The following LANCL2 variants were observed in gnomAD, a reference collection of about 807,000 sequenced individuals.
LANCL2 encodes the protein lanC-like protein 2.
Under a neutral mutation model 56.9 loss-of-function variants are expected in LANCL2, and 33 were observed. The observed-to-expected ratio is 0.58, with a 90% confidence interval of 0.44 to 0.78. LANCL2 has a LOEUF of 0.78. LANCL2 is among the 30% of genes least tolerant of loss of function. The pLI, the probability that LANCL2 is intolerant of heterozygous loss-of-function variation, is 0.00. For missense variants in LANCL2, 562 were observed against 580.2 expected, an observed-to-expected ratio of 0.97 and a Z score of 0.32; for synonymous variants, 233 against 228.2, an observed-to-expected ratio of 1.02 and a Z score of -0.19.
At position 55,365,359 on chromosome 7, in the gene LANCL2, A is replaced by C. The variant is rs1287157736; in HGVS notation, c.-667A>C. ...CCCATCCCTCGGAGACTAGCCTTGC[A>C]GTGTTTTAGACTGTTTTGAAATTCT... On this transcript the variant is annotated 5_prime_UTR_variant, in exon 1 of 9. Transcript: ENST00000254770. The C allele has an allele frequency of 2.0e-5, 3 of 152,084 alleles. No individual in the cohort carries two copies. The highest frequency in any genetic ancestry group is 2.4e-5 in the African/African-American group (1 of 41,430). 9.4% of individuals were successfully genotyped at this position (152,084 alleles called of 1,614,324 possible). A position where few individuals can be genotyped will look rare whatever the true frequency, so the allele number is the denominator to read the frequency against.
intron 1 of LANCL2, among the ~76,000 whole-genome samples, chr7:55,380,417 T>G (rs62457861): frequency 3.7e-5 from 1 of 26,684 alleles, no homozygotes; most frequent in Non-Finnish European, 7.6e-5. Flanking sequence ...ACTGCATTGT[T>G]TTTTTTTTTT....
intron 6 of LANCL2, among the ~76,000 whole-genome samples, 172 bp from the exon 7 acceptor site, chr7:55,425,082 A>G (rs1790649830): frequency 6.6e-6 from 1 of 152,094 alleles, no homozygotes; most frequent in South Asian, 2.1e-4. Flanking sequence ...AGATTGCGAG[A>G]TTCTATGTAC....
chr7:55,420,488 C>T (rs147235836), intron 6 of LANCL2, among the ~76,000 whole-genome samples: 1 of 152,294 alleles, frequency 6.6e-6, no homozygotes, highest in African/African-American at 2.4e-5. Context: ...TCTGTCTTGA[C>T]GAATGTCCCA....
chr7:55,402,293 G>A (rs1297170673), intron 5 of LANCL2, among the ~76,000 whole-genome samples: 1 of 44,964 alleles, frequency 2.2e-5, no homozygotes, highest in Admixed American at 2.1e-4. Flanking sequence ...TGGCCGGGCG[G>A]GGGGCTGACC....
chr7:55,414,983 C>CAAAAAAA (rs372708498), intron 6 of LANCL2, among the ~76,000 whole-genome samples: 8 of 61,950 alleles, frequency 1.3e-4, no homozygotes, highest in East Asian at 4.8e-4. Context: ...GACCCTACCT[C>CAAAAAAA]AAAAAAAAAA....
intron 2 of LANCL2, among the ~76,000 whole-genome samples, chr7:55,397,916 G>A (rs973464456): frequency 6.6e-6 from 1 of 151,818 alleles, no homozygotes; most frequent in African/African-American, 2.4e-5. Flanking sequence ...TTGGTCAGTT[G>A]TAGGGTTGTT....
intron 1 of LANCL2, among the ~76,000 whole-genome samples, chr7:55,381,358 T>A (rs1307706093): frequency 6.6e-6 from 1 of 152,116 alleles, no homozygotes; most frequent in African/African-American, 2.4e-5. Flanking sequence ...GCTGATGAGA[T>A]AATGAGGAAA....
intron 6 of LANCL2, among the ~76,000 whole-genome samples, chr7:55,413,016 C>G (rs1378111616): frequency 6.6e-6 from 1 of 152,192 alleles, no homozygotes; most frequent in Non-Finnish European, 1.5e-5. Flanking sequence ...GCTAATTTCT[C>G]AGAAATTTTT....
chr7:55,372,116 T>C (rs894643297), intron 1 of LANCL2, among the ~76,000 whole-genome samples: 3 of 152,236 alleles, frequency 2.0e-5, no homozygotes, highest in Admixed American at 6.5e-5. Flanking sequence ...TGAGGAAAAC[T>C]GTTCTACATG....
At chr7:55,401,545 ATTTTCTTTTTTTTTTTTTT>A (rs1938577849) in intron 5 of LANCL2, among the ~76,000 whole-genome samples, 8 of 31,888 alleles carry the variant, frequency 2.5e-4, no homozygotes, top group Non-Finnish European at 4.1e-4. Context: ...TTTTTTTCCA[ATTTTCTTTTTTTTTTTTTT>A]TTGATCATTC....
intron 7 of LANCL2, among the ~76,000 whole-genome samples, chr7:55,427,849 A>G (rs1790682032): frequency 1.3e-5 from 2 of 152,216 alleles, no homozygotes; most frequent in Admixed American, 6.5e-5. Flanking sequence ...AGCTCAGAGG[A>G]GAGCACAGGG....
intron 5 of LANCL2, among the ~76,000 whole-genome samples, chr7:55,403,859 C>T (rs1189295564): frequency 6.6e-6 from 1 of 152,044 alleles, no homozygotes. Flanking sequence ...CATGAGCCAC[C>T]GTGCCTGGCT....
At chr7:55,378,650 A>C (rs1790030548) in intron 1 of LANCL2, among the ~76,000 whole-genome samples, 1 of 152,182 alleles carries the variant, frequency 6.6e-6, no homozygotes, top group Non-Finnish European at 1.5e-5. Flanking sequence ...TTACAGCATA[A>C]TAAATTTTCT....
In LANCL2 at chr7:55,401,275, T is replaced by TG. The variant is rs1790321792; in HGVS notation, c.782dup (p.Ala262SerfsTer33). 1 of 1,614,012 alleles carries TG rather than the reference T, an allele frequency of 6.2e-7. No homozygotes were observed. The highest frequency in any genetic ancestry group is 1.1e-5 in the South Asian group (1 of 91,090). On this transcript the variant is annotated frameshift_variant, in exon 5 of 9. Transcript: ENST00000254770. LOFTEE classifies it high-confidence loss of function. ...ACCAGTGGCACCGGAAGCAGTACGT[T>TG]GGAGCAGCCCATGGCATGGCTGGAA...
At chr7:55,397,460 CAAAAA>C (rs35547837) in intron 2 of LANCL2, among the ~76,000 whole-genome samples, 1 of 90,354 alleles carries the variant, frequency 1.1e-5, no homozygotes, top group Admixed American at 1.2e-4. Flanking sequence ...GACTCTGTCT[CAAAAA>C]AAAAAAAAAA....
At chr7:55,387,186 T>A (rs1790134921) in intron 1 of LANCL2, among the ~76,000 whole-genome samples, 1 of 152,020 alleles carries the variant, frequency 6.6e-6, no homozygotes, top group African/African-American at 2.4e-5. Flanking sequence ...GAAGAGTGTG[T>A]TTAGGGTTAG....
chr7:55,407,164 T>G (rs1011518142), intron 5 of LANCL2, among the ~76,000 whole-genome samples: 2 of 151,866 alleles, frequency 1.3e-5, no homozygotes, highest in Admixed American at 6.6e-5. Context: ...ACAAAAGGAG[T>G]TAGGTCTGGA....
chr7:55,404,481 A>G (rs1192951593), intron 5 of LANCL2, among the ~76,000 whole-genome samples: 1 of 152,166 alleles, frequency 6.6e-6, no homozygotes, highest in African/African-American at 2.4e-5. Flanking sequence ...TCATGTTCTC[A>G]CTCACTAAAG....
In LANCL2 at chr7:55,392,180, C is replaced by A. The variant is rs545742286; in HGVS notation, c.322+270C>A. 2.0e-5 allele frequency among the ~76,000 whole-genome samples: 3 copies of A among 152,120 alleles called. No homozygotes were observed. In the East Asian group the frequency reaches 5.8e-4, roughly 29 times the overall value. On this transcript the variant is annotated intron_variant, in intron 2 of 8. Transcript: ENST00000254770. ...TGGTGTCGGGCACCTGTAATCCCAGCTACTTGGGAGGCTGAGGCAGGAGAA... is the reference window on the plus strand; with the variant it reads ...TGGTGTCGGGCACCTGTAATCCCAGATACTTGGGAGGCTGAGGCAGGAGAA...
Sources: allele counts gnomAD v4.1 joint callset (sites outside exome capture counted in the v4.1 genomes callset), GRCh38; gene constraint gnomAD v4.1.1; transcripts MANE v1.5; gene names NCBI Gene and HGNC (gene_info 2026-07-23, HGNC 2026-07-21).